The following FAM222B variants were observed in gnomAD, a reference collection of about 807,000 sequenced individuals.
FAM222B encodes protein FAM222B.
In FAM222B, 12 loss-of-function variants were observed where a neutral mutation model predicts 38.0. The ratio of observed to expected loss-of-function variants is 0.32; its 90% CI spans 0.20 to 0.51. The LOEUF is 0.51. FAM222B is among the 20% of genes least tolerant of loss of function. FAM222B has a pLI of 0.97. For missense variants in FAM222B, 716 were observed against 754.2 expected, an observed-to-expected ratio of 0.95 and a Z score of 0.59; for synonymous variants, 329 against 317.2, an observed-to-expected ratio of 1.04 and a Z score of -0.40.
intron 1 of FAM222B, chr17:28,854,845 C>G: frequency 1.7e-6 from 1 of 605,350 alleles, no homozygotes; most frequent in South Asian, 2.4e-5. Flanking sequence ...TGCACAGACT[C>G]TAAATACACA....
At chr17:28,852,710 G>A (rs1056768971) in intron 1 of FAM222B, among the ~76,000 whole-genome samples, 2 of 152,010 alleles carry the variant, frequency 1.3e-5, no homozygotes, top group African/African-American at 4.8e-5. Context: ...CTCAATACTG[G>A]TCCTCAATAT....
At chr17:28,852,270 G>A (rs2039187264) in intron 1 of FAM222B, among the ~76,000 whole-genome samples, 1 of 151,874 alleles carries the variant, frequency 6.6e-6, no homozygotes, top group African/African-American at 2.4e-5. Flanking sequence ...GGGAGGCTGA[G>A]GCAGGAGAAT....
chr17:28,794,106 T>C (rs1567844665), intron 1 of FAM222B, among the ~76,000 whole-genome samples: 1 of 151,984 alleles, frequency 6.6e-6, no homozygotes, highest in Non-Finnish European at 1.5e-5. Context: ...TGATACACCC[T>C]TAGAAAGAGT....
In FAM222B at chr17:28,828,021, TCAA is replaced by T. The variant is rs367584812; in HGVS notation, c.-41+14658_-41+14660del. ...GAAAAAATGCAGATTTAGGAGAACT[TCAA>T]CATTAAAATCAGACCTGGGACCAAC... On this transcript the variant is annotated intron_variant, in intron 1 of 2. Coordinates refer to ENST00000581407, the MANE Select transcript of FAM222B (RefSeq NM_001077498.3). Among the ~76,000 whole-genome samples the T allele has an allele frequency of 6.2e-3, 924 of 150,232 alleles. 7 individuals are homozygous for T. Among genetic ancestry groups the T allele is most frequent in the African/African-American group, 0.022 (908 of 41,078 alleles).
intron 1 of FAM222B, among the ~76,000 whole-genome samples, chr17:28,785,079 C>T (rs1242421315): frequency 6.6e-6 from 1 of 152,054 alleles, no homozygotes; most frequent in East Asian, 1.9e-4. Flanking sequence ...TAAAACAATC[C>T]TAATCTAGAT....
At chr17:28,793,833 C>A (rs1597937050) in intron 1 of FAM222B, among the ~76,000 whole-genome samples, 1 of 151,114 alleles carries the variant, frequency 6.6e-6, no homozygotes, top group African/African-American at 2.4e-5. Flanking sequence ...GCAACCTCCA[C>A]CTCCTGGGTT....
intron 1 of FAM222B, among the ~76,000 whole-genome samples, chr17:28,794,620 G>A (rs986753510): frequency 1.3e-5 from 2 of 152,060 alleles, no homozygotes; most frequent in Non-Finnish European, 2.9e-5. Context: ...AAAATATTTT[G>A]CTTGTAAGTC....
At chr17:28,825,212 T>C (rs2038394116) in intron 1 of FAM222B, among the ~76,000 whole-genome samples, 1 of 151,876 alleles carries the variant, frequency 6.6e-6, no homozygotes, top group Non-Finnish European at 1.5e-5. Flanking sequence ...GCAGGTGAAT[T>C]GCCTGAGCTT....
chr17:28,825,678 T>C (rs917876660), intron 1 of FAM222B, among the ~76,000 whole-genome samples: 1 of 152,198 alleles, frequency 6.6e-6, no homozygotes, highest in African/African-American at 2.4e-5. Flanking sequence ...AAATGCCATA[T>C]CCTTAGAGAG....
At position 28,758,480 on chromosome 17, in the gene FAM222B, G is replaced by A. The variant is rs1364984016; in HGVS notation, c.1479C>T (p.Ala493=). ...APLDCAAAPG[A]HYRAGTGGGP... ...CGCCCCCGGTCCCTGCTCGGTAGTG[G>A]GCCCCGGGAGCTGCCGCACAGTCGA... Residue 493 remains alanine, a synonymous_variant, in exon 3 of 3, where the codon GCC becomes GCT. Transcript: ENST00000581407. 16 of 1,613,110 alleles carry A rather than the reference G, an allele frequency of 9.9e-6. No individual in the cohort carries two copies. The highest frequency in any genetic ancestry group is 1.4e-5 in the Non-Finnish European group (16 of 1,179,790).
At chr17:28,761,415 A>T (rs1386964268) in intron 2 of FAM222B, among the ~76,000 whole-genome samples, 1 of 152,228 alleles carries the variant, frequency 6.6e-6, no homozygotes, top group African/African-American at 2.4e-5. Flanking sequence ...AGGCTCAGCT[A>T]GCCGACTCTC....
At chr17:28,803,605 T>C (rs534636647) in intron 1 of FAM222B, among the ~76,000 whole-genome samples, 1 of 152,202 alleles carries the variant, frequency 6.6e-6, no homozygotes, top group South Asian at 2.1e-4. Flanking sequence ...CTGCAGTTTG[T>C]TTCTTTGGCT....
intron 1 of FAM222B, among the ~76,000 whole-genome samples, chr17:28,824,661 T>C (rs771705975): frequency 1.3e-5 from 2 of 152,210 alleles, no homozygotes; most frequent in African/African-American, 2.4e-5. Context: ...CCAAAAGATA[T>C]GCCAAATCTG....
At chr17:28,833,859 C>T (rs371007219) in intron 1 of FAM222B, among the ~76,000 whole-genome samples, 1 of 152,152 alleles carries the variant, frequency 6.6e-6, no homozygotes, top group Non-Finnish European at 1.5e-5. Context: ...CCTTTCTACT[C>T]AAGACCTAGG....
chr17:28,784,238 C>T (rs1422858512), intron 1 of FAM222B, among the ~76,000 whole-genome samples: 2 of 152,002 alleles, frequency 1.3e-5, no homozygotes, highest in Non-Finnish European at 2.9e-5. Context: ...ACTCAGGAGG[C>T]TGAGGTAGGA....
chr17:28,809,989 T>TTTTTTG (rs997705391), intron 1 of FAM222B, among the ~76,000 whole-genome samples: 16 of 151,766 alleles, frequency 1.1e-4, no homozygotes, highest in Non-Finnish European at 1.9e-4. Flanking sequence ...CAACTGGTTT[T>TTTTTTG]TTTTTGTTTT....
At chr17:28,822,212 G>GGGT (rs2038250809) in intron 1 of FAM222B, among the ~76,000 whole-genome samples, 1 of 150,878 alleles carries the variant, frequency 6.6e-6, no homozygotes, top group Non-Finnish European at 1.5e-5. Context: ...AGTACAGACG[G>GGGT]GGTTTCACCA....
At chr17:28,764,057 C>T (rs1454945748) in intron 2 of FAM222B, among the ~76,000 whole-genome samples, 3 of 152,036 alleles carry the variant, frequency 2.0e-5, no homozygotes, top group African/African-American at 7.2e-5. Flanking sequence ...TAAATATTTA[C>T]AGAGCCACTA....
At chr17:28,802,168 G>A (rs909266607) in intron 1 of FAM222B, among the ~76,000 whole-genome samples, 1 of 151,258 alleles carries the variant, frequency 6.6e-6, no homozygotes, top group Non-Finnish European at 1.5e-5. Context: ...TGCGATCTCG[G>A]CTTACTGCAA....
Sources: gnomAD v4.1 joint callset for allele counts (sites outside exome capture counted in the v4.1 genomes callset) on GRCh38, gnomAD v4.1.1 for gene constraint, MANE v1.5 for transcripts, NCBI Gene and HGNC (gene_info 2026-07-23, HGNC 2026-07-21) for gene names.